GREB1L: variants seen among roughly 807,000 people sequenced by gnomAD.
The protein encoded by GREB1L is GREB1-like protein.
GREB1L carries 17 observed loss-of-function variants against 200.8 expected under a neutral mutation model. That is an observed-to-expected ratio of 0.08 (90% CI 0.06 to 0.13). The LOEUF is 0.13. Among genes scored for constraint, GREB1L ranks in the 10% least tolerant of loss-of-function variants. GREB1L has a pLI of 1.00. For synonymous variants in GREB1L, 789 were observed against 893.0 expected, an observed-to-expected ratio of 0.88 and a Z score of 2.08; for missense variants, 1,657 against 2,367.7, an observed-to-expected ratio of 0.70 and a Z score of 6.23.
intron 1 of GREB1L, among the ~76,000 whole-genome samples, chr18:21,333,506 C>T (rs1001333711): frequency 3.3e-5 from 5 of 151,898 alleles, no homozygotes; most frequent in African/African-American, 4.8e-5. Context: ...GAAACCCTGT[C>T]TCTACTAAAA....
intron 15 of GREB1L, among the ~76,000 whole-genome samples, chr18:21,458,757 G>A (rs1226292576): frequency 6.6e-6 from 1 of 152,212 alleles, no homozygotes; most frequent in Non-Finnish European, 1.5e-5. Flanking sequence ...TTTTAAGTTT[G>A]CGTAACGTAG....
At chr18:21,457,012 C>G (rs1312848171) in intron 15 of GREB1L, among the ~76,000 whole-genome samples, 2 of 152,176 alleles carry the variant, frequency 1.3e-5, no homozygotes, top group Non-Finnish European at 2.9e-5. Flanking sequence ...TGTGCTTGAG[C>G]AAACACATCA....
chr18:21,505,669 T>C, intron 24 of GREB1L, 102 bp downstream of exon 24: 1 of 1,438,048 alleles, frequency 7.0e-7, no homozygotes, highest in South Asian at 1.4e-5. Context: ...CGCATCATTT[T>C]TTAAATTTTC....
intron 1 of GREB1L, among the ~76,000 whole-genome samples, chr18:21,346,634 C>G (rs1307728912): frequency 6.6e-6 from 1 of 152,106 alleles, no homozygotes; most frequent in African/African-American, 2.4e-5. Context: ...TTTCTCCTGT[C>G]CTAATTAGGT....
rs932785208 is a variant in GREB1L, at chr18:21,506,012, G to C, written c.4368+63G>C. 4.8e-6 allele frequency: 7 copies of C among 1,459,090 alleles called. No individual in the cohort carries two copies. In the African/African-American group the frequency reaches 8.5e-5, roughly 18 times the overall value. The allele number at this position is 1,459,090 out of a possible 1,614,324, so 90.4% of individuals were successfully genotyped here. A position where few individuals can be genotyped will look rare whatever the true frequency, so the allele number is the denominator to read the frequency against. ...GTATGGATTTTGTATGTAAGGGTGG[G>C]GGGTGGAGGGATGAAAAATAAGGCC... is the stretch of plus-strand genomic sequence containing the variant. On this transcript the variant is annotated intron_variant, in intron 25 of 32. Coordinates refer to ENST00000424526, the MANE Select transcript of GREB1L (RefSeq NM_001142966.3).
Position 21,364,285 on chromosome 18 carries a change from CA to C in GREB1L, c.-119-1735del, listed in dbSNP as rs34066194. Among the ~76,000 whole-genome samples the C allele has an allele frequency of 6.6e-5, 10 of 151,540 alleles. No homozygotes were observed. The East Asian group carries it at 1.7e-3, about 26-fold the overall frequency. On this transcript the variant is annotated intron_variant, in intron 1 of 32. Transcript: ENST00000424526. ...CCTTCAACTTAAGGGGCTCTTTGGT[CA>C]AAAAAAGAAATATAATTGTTATTGA...
At chr18:21,334,772 C>CAA (rs5823302) in intron 1 of GREB1L, among the ~76,000 whole-genome samples, 2 of 140,440 alleles carry the variant, frequency 1.4e-5, no homozygotes, top group Non-Finnish European at 3.2e-5. Flanking sequence ...GACCCCATCT[C>CAA]AAAAAAAAAA....
chr18:21,505,601 G>T, intron 24 of GREB1L, 34 bp downstream of exon 24: 1 of 1,546,336 alleles, frequency 6.5e-7, no homozygotes. Flanking sequence ...CCTCCTCTCT[G>T]GGTTAAGGGG....
chr18:21,252,792 C>G (rs576197971), intron 1 of GREB1L, among the ~76,000 whole-genome samples: 16 of 149,258 alleles, frequency 1.1e-4, no homozygotes, highest in African/African-American at 3.0e-4. Flanking sequence ...CGCTTGAACC[C>G]GGGAGGCGGA....
At chr18:21,283,378 G>A (rs2038303565) in intron 1 of GREB1L, among the ~76,000 whole-genome samples, 1 of 152,142 alleles carries the variant, frequency 6.6e-6, no homozygotes, top group Non-Finnish European at 1.5e-5. Context: ...ACATCACAGT[G>A]CTTTTGCTTT....
intron 1 of GREB1L, among the ~76,000 whole-genome samples, chr18:21,290,923 A>C (rs1472003167): frequency 6.6e-6 from 1 of 151,996 alleles, no homozygotes; most frequent in Non-Finnish European, 1.5e-5. Flanking sequence ...GTGAGCTGAC[A>C]TTAGTAGCTG....
chr18:21,313,779 C>T (rs912535025), intron 1 of GREB1L, among the ~76,000 whole-genome samples: 1 of 152,186 alleles, frequency 6.6e-6, no homozygotes, highest in African/African-American at 2.4e-5. Flanking sequence ...ACAAAAACAT[C>T]TTGTGTCAAA....
intron 1 of GREB1L, among the ~76,000 whole-genome samples, chr18:21,357,274 T>C (rs1450580852): frequency 7.9e-5 from 12 of 152,264 alleles, no homozygotes; most frequent in Non-Finnish European, 1.6e-4. Context: ...GGATGGTCTC[T>C]ATCTCCTGAC....
intron 1 of GREB1L, among the ~76,000 whole-genome samples, chr18:21,347,933 ATTTTTTTTTTTTT>A (rs1171946736): frequency 9.3e-4 from 72 of 77,362 alleles, no homozygotes; most frequent in African/African-American, 4.7e-3. Flanking sequence ...CACTCGGCTA[ATTTTTTTTTTTTT>A]TTTTTTTTTT....
intron 1 of GREB1L, among the ~76,000 whole-genome samples, chr18:21,299,961 T>G (rs2038592506): frequency 6.6e-6 from 1 of 152,142 alleles, no homozygotes; most frequent in Admixed American, 6.6e-5. Flanking sequence ...AGAATGAAAC[T>G]ACTTTACTGA....
At chr18:21,416,274 G>A (rs558373675) in intron 7 of GREB1L, among the ~76,000 whole-genome samples, 3 of 152,130 alleles carry the variant, frequency 2.0e-5, no homozygotes, top group East Asian at 3.9e-4. Context: ...AAAATGAAAC[G>A]AACATCAGTG....
At chr18:21,299,822 C>T (rs1471199417) in intron 1 of GREB1L, among the ~76,000 whole-genome samples, 2 of 152,032 alleles carry the variant, frequency 1.3e-5, no homozygotes, top group African/African-American at 4.8e-5. Flanking sequence ...CTTGGGACTA[C>T]TGAAAATTGT....
chr18:21,266,721 C>A (rs2037974640), intron 1 of GREB1L, among the ~76,000 whole-genome samples: 1 of 152,172 alleles, frequency 6.6e-6, no homozygotes, highest in Admixed American at 6.5e-5. Flanking sequence ...CAATAAGAGA[C>A]TTTGAAAAAT....
chr18:21,344,264 G>T (rs993827141), intron 1 of GREB1L, among the ~76,000 whole-genome samples: 21 of 152,180 alleles, frequency 1.4e-4, no homozygotes, highest in African/African-American at 5.1e-4. Flanking sequence ...AGCCAGGCTT[G>T]GTGGCAGGCG....
Sources: allele counts gnomAD v4.1 joint callset (sites outside exome capture counted in the v4.1 genomes callset), GRCh38; gene constraint gnomAD v4.1.1; transcripts MANE v1.5; gene names NCBI Gene and HGNC (gene_info 2026-07-23, HGNC 2026-07-21).